RAD54L2: variants seen among roughly 807,000 people sequenced by gnomAD.
RAD54L2 encodes the protein helicase ARIP4.
RAD54L2 carries 27 observed loss-of-function variants against 138.4 expected under a neutral mutation model. The observed-to-expected ratio is 0.20, with a 90% CI of 0.14 to 0.27. RAD54L2 has a LOEUF of 0.27. Ranked by LOEUF, RAD54L2 falls within the 10% of genes least tolerant of loss-of-function variation. The pLI, the probability that RAD54L2 is intolerant of heterozygous loss-of-function variation, is 1.00. For synonymous variants in RAD54L2, 644 were observed against 723.2 expected (o/e 0.89, Z 1.76); for missense variants, 1,396 against 1,890.2 (o/e 0.74, Z 4.85).
At chr3:51,633,792 A>G in intron 8 of RAD54L2, 33 bp downstream of exon 8, 1 of 1,611,426 alleles carries the variant, frequency 6.2e-7, no homozygotes, top group Non-Finnish European at 8.5e-7. Context: ...CACTTAAGTC[A>G]CTCCTGAAGA....
At chr3:51,599,602 G>C (rs1700037477) in intron 3 of RAD54L2, among the ~76,000 whole-genome samples, 1 of 151,796 alleles carries the variant, frequency 6.6e-6, no homozygotes, top group East Asian at 1.9e-4. Context: ...ACCCAGGCTG[G>C]AGTGCAGTGG....
At chr3:51,601,818 A>G (rs1700088203) in intron 3 of RAD54L2, among the ~76,000 whole-genome samples, 1 of 151,360 alleles carries the variant, frequency 6.6e-6, no homozygotes, top group Non-Finnish European at 1.5e-5. Flanking sequence ...ATGGATATGT[A>G]TCCCAATTTG....
chr3:51,639,732 T>C, intron 13 of RAD54L2, 62 bp downstream of exon 13: 1 of 1,590,680 alleles, frequency 6.3e-7, no homozygotes, highest in South Asian at 1.1e-5. Context: ...GTGCAAGCCC[T>C]GCCTGGGGAA....
chr3:51,570,853 G>T (rs1699323909), intron 2 of RAD54L2, among the ~76,000 whole-genome samples: 1 of 152,022 alleles, frequency 6.6e-6, no homozygotes, highest in South Asian at 2.1e-4. Flanking sequence ...ATGGAGTTTT[G>T]CTCTTGTTGC....
At chr3:51,559,505 C>T (rs1334136391) in intron 2 of RAD54L2, among the ~76,000 whole-genome samples, 1 of 152,200 alleles carries the variant, frequency 6.6e-6, no homozygotes, top group African/African-American at 2.4e-5. Context: ...CTTGATTCCA[C>T]TTGATTATGG....
Position 51,645,455 on chromosome 3 carries a change from T to C in RAD54L2, c.2657-136T>C, listed in dbSNP as rs2106825441. ...AAGCTCGTTATACAAGTTTTCCCCT[T>C]ATATGATGTTTCCAGTGTCACCAGC... is the stretch of plus-strand genomic sequence containing the variant. On this transcript the variant is annotated intron_variant, in intron 17 of 22. Coordinates refer to ENST00000684192, the MANE Select transcript of RAD54L2 (RefSeq NM_015106.4). This position sits in a 1 kb window ranked among gnomAD's most constrained non-coding sequence, Gnocchi z 6.1. 1.9e-6 allele frequency: 2 copies of C among 1,027,218 alleles called. No homozygotes were observed. Among genetic ancestry groups the C allele is most frequent in the East Asian group, 5.2e-5 (2 of 38,246 alleles). 63.6% of individuals were successfully genotyped at this position (1,027,218 alleles called of 1,614,324 possible).
intron 3 of RAD54L2, among the ~76,000 whole-genome samples, chr3:51,624,333 C>G (rs1700631974): frequency 6.6e-6 from 1 of 151,412 alleles, no homozygotes; most frequent in South Asian, 2.1e-4. Context: ...ACCTCCCAAG[C>G]TTAAGCAATC....
At chr3:51,625,889 CATGA>C (rs2106788004) in intron 3 of RAD54L2, among the ~76,000 whole-genome samples, 1 of 151,922 alleles carries the variant, frequency 6.6e-6, no homozygotes, top group Non-Finnish European at 1.5e-5. Flanking sequence ...TGTTAAAGGT[CATGA>C]GAGACCAGAA....
rs570933326 is a variant in RAD54L2 at position 51,573,190 on chromosome 3, T to C, written c.-54-17177T>C. ...GGTGAGTACAATTTCTACCTGCTTG[T>C]GGGGTGCCGTTTATTTATGTCATTG... On this transcript the variant is annotated intron_variant, in intron 2 of 22. Transcript: ENST00000684192. 4.6e-5 allele frequency among the ~76,000 whole-genome samples: 7 copies of C among 152,270 alleles called. No homozygotes were observed. In the South Asian group the frequency reaches 1.4e-3, roughly 32 times the overall value.
intron 2 of RAD54L2, among the ~76,000 whole-genome samples, chr3:51,587,092 G>A (rs1699727271): frequency 6.6e-6 from 1 of 151,260 alleles, no homozygotes; most frequent in Admixed American, 6.6e-5. Context: ...ACACAGGGTA[G>A]TGATTTCTTT....
chr3:51,645,788 C>T lies in RAD54L2; in HGVS notation c.2829+25C>T, dbSNP rs762608830. The T allele has an allele frequency of 1.3e-6, 2 of 1,582,888 alleles. No individual in the cohort carries two copies. Among genetic ancestry groups the T allele is most frequent in the Non-Finnish European group, 8.6e-7 (1 of 1,165,000 alleles). ...GGTAAGAACTTGGTATGCATGCAAT[C>T]CCCAGAGTGGCAGTCTCTCTGTCAA... On this transcript the variant is annotated intron_variant, in intron 18 of 22. Transcript: ENST00000684192. The surrounding 1 kb of genome is among the most constrained non-coding windows in gnomAD (Gnocchi z 6.1).
chr3:51,645,034 T>C lies in RAD54L2; in HGVS notation c.2461T>C (p.Leu821=), dbSNP rs2106824757. 1 of 1,613,456 alleles carries C rather than the reference T, an allele frequency of 6.2e-7. No homozygotes were observed. Among genetic ancestry groups the C allele is most frequent in the South Asian group, 1.1e-5 (1 of 91,054 alleles). ...LFLLSTRAGC[L]GVNLIGANRV... is the part of the protein sequence containing the mutation. ...GCTTGTCTTTTAAAGGGCCGGATGC[T>C]TGGGTGTGAATCTGATTGGTGCCAA... Residue 821 remains leucine (L), a synonymous_variant, in exon 17 of 23, where the codon TTG becomes CTG. Transcript: ENST00000684192. This position sits in a 1 kb window ranked among gnomAD's most constrained non-coding sequence, Gnocchi z 6.1.
rs375088081 is a variant in RAD54L2 at position 51,606,881 on chromosome 3, C to T, written c.139+16322C>T. On this transcript the variant is annotated intron_variant, in intron 3 of 22. Transcript: ENST00000684192. The stretch of plus-strand genomic sequence containing the variant: ...ATTTTTAGTGGAAACAGGGTTTCAT[C>T]ATGTTGTCCAGGCTGGTCTCAAACT... Among the ~76,000 whole-genome samples the T allele has an allele frequency of 1.5e-4, 23 of 151,802 alleles. No homozygotes were observed. In the South Asian group the frequency reaches 4.8e-3, roughly 32 times the overall value.
chr3:51,570,520 G>C (rs747429069), intron 2 of RAD54L2, among the ~76,000 whole-genome samples: 3 of 151,562 alleles, frequency 2.0e-5, no homozygotes, highest in African/African-American at 2.4e-5. Flanking sequence ...GCAGTGGCGC[G>C]ATCTCGGCTC....
chr3:51,624,798 A>C (rs1700640978), intron 3 of RAD54L2, among the ~76,000 whole-genome samples: 1 of 152,208 alleles, frequency 6.6e-6, no homozygotes, highest in South Asian at 2.1e-4. Context: ...CATCAACATG[A>C]AAGGGACCAT....
intron 2 of RAD54L2, among the ~76,000 whole-genome samples, chr3:51,544,593 G>C (rs961054875): frequency 6.6e-6 from 1 of 152,156 alleles, no homozygotes; most frequent in East Asian, 1.9e-4. Context: ...CACCTGCTGG[G>C]AATGGGTAAT....
At chr3:51,582,307 A>C (rs113087846) in intron 2 of RAD54L2, among the ~76,000 whole-genome samples, 1 of 152,096 alleles carries the variant, frequency 6.6e-6, no homozygotes, top group African/African-American at 2.4e-5. Flanking sequence ...CACACACACA[A>C]ACAAAGCCTT....
intron 2 of RAD54L2, among the ~76,000 whole-genome samples, chr3:51,579,258 C>G (rs1444941741): frequency 6.6e-6 from 1 of 151,512 alleles, no homozygotes; most frequent in Non-Finnish European, 1.5e-5. Flanking sequence ...CACCTCAAGC[C>G]TGGGATTTTT....
chr3:51,592,054 G>GTTTTTTTTTTTTTTTT (rs71084151), intron 3 of RAD54L2, among the ~76,000 whole-genome samples: 1 of 66,824 alleles, frequency 1.5e-5, no homozygotes, highest in East Asian at 5.8e-4. Context: ...TGGTTTTGGT[G>GTTTTTTTTTTTTTTTT]TTTTTTTTTT....
Sources: allele counts gnomAD v4.1 joint callset (sites outside exome capture counted in the v4.1 genomes callset), GRCh38; gene constraint gnomAD v4.1.1; non-coding constraint Gnocchi (gnomAD v3.1); transcripts MANE v1.5; gene names NCBI Gene and HGNC (gene_info 2026-07-23, HGNC 2026-07-21).